CFAP221: variants seen among roughly 807,000 people sequenced by gnomAD.
CFAP221 encodes the protein cilia- and flagella-associated protein 221.
CFAP221 carries 97 observed loss-of-function variants against 113.1 expected under a neutral mutation model. The ratio of observed to expected loss-of-function variants is 0.86; its 90% CI spans 0.73 to 1.02. The LOEUF is 1.02. CFAP221 is among the 50% of genes least tolerant of loss of function. The probability of loss-of-function intolerance (pLI) is 0.00; values close to 1 mark genes in which losing one functional copy is unlikely to be tolerated. For synonymous variants in CFAP221, 331 were observed against 354.4 expected, an observed-to-expected ratio of 0.93 and a Z score of 0.74; for missense variants, 1,025 against 1,013.4, an observed-to-expected ratio of 1.01 and a Z score of -0.16.
rs946792310 is a variant in CFAP221 at position 119,544,473 on chromosome 2, T to C, written c.-85T>C. The C allele has an allele frequency of 6.5e-4, 98 of 151,734 alleles. No homozygotes were observed. The highest frequency in any genetic ancestry group is 2.2e-3 in the African/African-American group (92 of 41,408). 9.4% of individuals were successfully genotyped at this position (151,734 alleles called of 1,614,324 possible). The stretch of plus-strand genomic sequence containing the variant: ...CGACGCTCCGAGCGGGCGCCGGCGC[T>C]GGCGCCGGCCGAATCCGGCCCGGGA... On this transcript the variant is annotated 5_prime_UTR_variant, in exon 1 of 24. Transcript: ENST00000413369.
chr2:119,621,096 A>G (rs1353709884), intron 14 of CFAP221, among the ~76,000 whole-genome samples: 2 of 151,910 alleles, frequency 1.3e-5, no homozygotes, highest in Non-Finnish European at 2.9e-5. Context: ...GTGCTTGTGC[A>G]TGCCTGGAAT....
intron 21 of CFAP221, among the ~76,000 whole-genome samples, chr2:119,643,555 TG>T (rs1050924308): frequency 2.0e-5 from 3 of 152,062 alleles, no homozygotes; most frequent in African/African-American, 7.2e-5. Context: ...AATATATATA[TG>T]ATTTTTTAGA....
Position 119,549,126 on chromosome 2 carries a change from A to G in CFAP221, c.181A>G (p.Arg61Gly), listed in dbSNP as rs1355362377. The change falls in exon 3 of 24, where the codon AGA becomes GGA. Residue 61 changes from arginine (R) to glycine (G), a missense_variant. By Grantham distance (125) the Arg-to-Gly change is moderately radical. Coordinates refer to ENST00000413369, the MANE Select transcript of CFAP221 (RefSeq NM_001271049.2). ...KLVNNKVIQA[R>G]PGIIHFGGYQ... ...TGTGAATAATAAGGTCATACAGGCA[A>G]GACCTGGCATAATACATTTTGGAGG... The G allele has an allele frequency of 6.5e-7, 1 of 1,535,128 alleles. No homozygotes were observed. Among genetic ancestry groups the G allele is most frequent in the African/African-American group, 1.4e-5 (1 of 73,026 alleles).
chr2:119,565,369 G>GTTCATTAA (rs1681548285), intron 6 of CFAP221, among the ~76,000 whole-genome samples: 1 of 152,154 alleles, frequency 6.6e-6, no homozygotes, highest in African/African-American at 2.4e-5. Flanking sequence ...TAACTCCCTA[G>GTTCATTAA]TTCATTAATT....
At chr2:119,634,714 A>G (rs1687005664) in intron 19 of CFAP221, among the ~76,000 whole-genome samples, 1 of 152,260 alleles carries the variant, frequency 6.6e-6, no homozygotes, top group Admixed American at 6.5e-5. Context: ...TAAATAAGCC[A>G]GCCACAGAAA....
intron 6 of CFAP221, among the ~76,000 whole-genome samples, chr2:119,577,901 C>T (rs1682565272): frequency 6.6e-6 from 1 of 152,176 alleles, no homozygotes; most frequent in Admixed American, 6.5e-5. Context: ...TGTATTATAA[C>T]AACAGTAATT....
Position 119,609,345 on chromosome 2 carries a change from C to T in CFAP221, c.1221+756C>T, listed in dbSNP as rs187095353. On this transcript the variant is annotated intron_variant, in intron 12 of 23. Transcript: ENST00000413369. ...ATATTATATTAATTGGCTCAGACTG[C>T]CATAACAAAGTACCACAGGCTGGGT... Among the ~76,000 whole-genome samples, 20 of 152,218 alleles carry T rather than the reference C, an allele frequency of 1.3e-4. No homozygotes were observed. In the East Asian group the frequency reaches 3.7e-3, roughly 28 times the overall value.
At chr2:119,625,780 A>C in intron 15 of CFAP221, 92 bp downstream of exon 15, 1 of 1,091,388 alleles carries the variant, frequency 9.2e-7, no homozygotes, top group Non-Finnish European at 1.3e-6. Context: ...CTATGCAAAT[A>C]AAAAATTTTC....
intron 6 of CFAP221, among the ~76,000 whole-genome samples, chr2:119,574,872 C>T (rs184293023): frequency 2.8e-4 from 42 of 152,220 alleles, no homozygotes; most frequent in Non-Finnish European, 4.1e-4. Context: ...ATTTCTCACC[C>T]CAGATTCTTA....
intron 6 of CFAP221, among the ~76,000 whole-genome samples, chr2:119,586,208 G>A (rs559803878): frequency 2.7e-4 from 41 of 152,258 alleles, no homozygotes; most frequent in African/African-American, 9.9e-4. Flanking sequence ...AAAATATCAG[G>A]AATGCAGGGA....
At chr2:119,569,224 C>G (rs1574023454) in intron 6 of CFAP221, among the ~76,000 whole-genome samples, 1 of 152,200 alleles carries the variant, frequency 6.6e-6, no homozygotes. Context: ...ACCTCTGTCT[C>G]CTGGGTTCAC....
At chr2:119,566,477 T>C (rs1681635046) in intron 6 of CFAP221, among the ~76,000 whole-genome samples, 1 of 152,204 alleles carries the variant, frequency 6.6e-6, no homozygotes, top group African/African-American at 2.4e-5. Context: ...GCACTTTGTT[T>C]CCTGTGAGAG....
intron 6 of CFAP221, among the ~76,000 whole-genome samples, chr2:119,569,099 A>ATT (rs149836597): frequency 1.3e-5 from 2 of 150,674 alleles, no homozygotes; most frequent in African/African-American, 4.9e-5. Flanking sequence ...CTACTGGGAA[A>ATT]TTTTTTTTTC....
chr2:119,572,458 C>T (rs1682129742), intron 6 of CFAP221: 1 of 645,120 alleles, frequency 1.6e-6, no homozygotes, highest in African/African-American at 1.8e-5. Flanking sequence ...TATGGATATG[C>T]TTATATTAGA....
chr2:119,593,606 G>T (rs896324563), intron 7 of CFAP221, among the ~76,000 whole-genome samples: 1 of 152,170 alleles, frequency 6.6e-6, no homozygotes, highest in Non-Finnish European at 1.5e-5. Flanking sequence ...TTGGGAGGCC[G>T]AGGAGGGCGG....
At chr2:119,630,244 C>G (rs1196558152) in intron 17 of CFAP221, among the ~76,000 whole-genome samples, 1 of 152,106 alleles carries the variant, frequency 6.6e-6, no homozygotes, top group Non-Finnish European at 1.5e-5. Flanking sequence ...ATAAAGTGAG[C>G]AAAAATTAGT....
At chr2:119,589,870 T>A (rs1683479095) in intron 7 of CFAP221, 2 of 152,188 alleles carry the variant, frequency 1.3e-5, no homozygotes, top group African/African-American at 4.8e-5. Flanking sequence ...CAAGAAATCA[T>A]ATGCAACCAA....
At chr2:119,609,471 A>G (rs985871109) in intron 12 of CFAP221, among the ~76,000 whole-genome samples, 3 of 152,150 alleles carry the variant, frequency 2.0e-5, no homozygotes, top group African/African-American at 7.2e-5. Context: ...CCATGAGTGA[A>G]GGATCCATTC....
chr2:119,546,148 C>T lies in CFAP221; in HGVS notation c.17C>T (p.Thr6Ile), dbSNP rs1680035313. ...CATGATAAAATGGCAGTGGTGAAAA[C>T]CCCCAGCAGAGGACTAAAGAATGCT... MAVVK[T>I]PSRGLKNAKE... Residue 6 changes from threonine to isoleucine, a missense_variant, in exon 2 of 24, where the codon ACC becomes ATC. By Grantham distance (89) the Thr-to-Ile change is moderately conservative (BLOSUM62 -1). Coordinates refer to ENST00000413369, the MANE Select transcript of CFAP221 (RefSeq NM_001271049.2). 6.5e-7 allele frequency: 1 copy of T among 1,532,948 alleles called. No homozygotes were observed. Among genetic ancestry groups the T allele is most frequent in the Non-Finnish European group, 8.7e-7 (1 of 1,146,068 alleles). 95.0% of individuals were successfully genotyped at this position (1,532,948 alleles called of 1,614,324 possible). A position where few individuals can be genotyped will look rare whatever the true frequency, so the allele number is the denominator to read the frequency against.
Sources: gnomAD v4.1 joint callset for allele counts (sites outside exome capture counted in the v4.1 genomes callset) on GRCh38, gnomAD v4.1.1 for gene constraint, MANE v1.5 for transcripts, NCBI Gene and HGNC (gene_info 2026-07-23, HGNC 2026-07-21) for gene names.